HTR4: variants seen among roughly 807,000 people sequenced by gnomAD.
HTR4 encodes the protein 5-hydroxytryptamine (serotonin) receptor 4, G protein-coupled.
Under a neutral mutation model 36.8 loss-of-function variants are expected in HTR4, and 16 were observed. That is an observed-to-expected ratio of 0.43 (90% CI 0.29 to 0.66). HTR4 has a LOEUF of 0.66. Ranked by LOEUF, HTR4 falls within the 30% of genes least tolerant of loss-of-function variation. The pLI is 0.13. For missense variants in HTR4, 438 were observed against 490.9 expected (o/e 0.89, Z 1.02); for synonymous variants, 189 against 185.1 (o/e 1.02, Z -0.17).
At chr5:148,544,428 T>G (rs1759282506) in intron 4 of HTR4, among the ~76,000 whole-genome samples, 1 of 152,126 alleles carries the variant, frequency 6.6e-6, no homozygotes. Flanking sequence ...AGTCTGCCAG[T>G]TGCTTTTTTT....
At chr5:148,489,811 C>T (rs564662163) in intron 6 of HTR4, among the ~76,000 whole-genome samples, 2 of 151,962 alleles carry the variant, frequency 1.3e-5, no homozygotes, top group Non-Finnish European at 1.5e-5. Context: ...TTTCATATAC[C>T]CTTCCCTCTC....
chr5:148,466,262 A>T (rs555756272), intron 5 of HTR4, among the ~76,000 whole-genome samples: 33 of 152,278 alleles, frequency 2.2e-4, no homozygotes, highest in African/African-American at 7.2e-4. Flanking sequence ...AATCTCCATG[A>T]TATGTCTATG....
At chr5:148,637,674 C>A (rs1243140542) in intron 1 of HTR4, among the ~76,000 whole-genome samples, 1 of 152,174 alleles carries the variant, frequency 6.6e-6, no homozygotes, top group Non-Finnish European at 1.5e-5. Context: ...GGAGAGTTAA[C>A]TTCAAATTAC....
At chr5:148,528,199 T>A (rs1170040665) in intron 4 of HTR4, among the ~76,000 whole-genome samples, 2 of 152,332 alleles carry the variant, frequency 1.3e-5, no homozygotes, top group East Asian at 3.9e-4. Context: ...CAGGTAAGGA[T>A]ATGAATAAGA....
At chr5:148,515,974 T>C (rs537993211) in intron 5 of HTR4, among the ~76,000 whole-genome samples, 41 of 145,014 alleles carry the variant, frequency 2.8e-4, no homozygotes, top group Non-Finnish European at 5.0e-4. Flanking sequence ...TTGTATTATA[T>C]ATATATGTAA....
Position 148,502,508 on chromosome 5 carries a change from G to A in HTR4, c.1076+6948C>T, listed in dbSNP as rs1306691985. The stretch of plus-strand genomic sequence containing the variant: ...CAAAACCCCATCTGTACGTCACTAT[G>A]ATCAAAGACAAAGGTAGATAAAACC... On this transcript the variant is annotated intron_variant, in intron 6 of 6. Transcript: ENST00000377888. Among the ~76,000 whole-genome samples, 3 of 151,966 alleles carry A rather than the reference G, an allele frequency of 2.0e-5. No homozygotes were observed. In the East Asian group the frequency reaches 5.8e-4, roughly 29 times the overall value.
At chr5:148,469,881 G>A (rs1447651907) in intron 5 of HTR4, among the ~76,000 whole-genome samples, 1 of 152,200 alleles carries the variant, frequency 6.6e-6, no homozygotes, top group Admixed American at 6.5e-5. Flanking sequence ...AATCTCTGGC[G>A]CTAGTCCACA....
intron 6 of HTR4, chr5:148,490,820 G>A (rs1406941346): frequency 1.4e-6 from 1 of 712,308 alleles, no homozygotes. Context: ...TGCAGAAGAA[G>A]TCGAATTCCT....
At position 148,505,235 on chromosome 5, in the gene HTR4, C is replaced by T. The variant is rs555996348; in HGVS notation, c.1076+4221G>A. On this transcript the variant is annotated intron_variant, in intron 6 of 6. Transcript: ENST00000377888. ...GGTTCAACATATGCAAATCAATAAA[C>T]GTAATCCAGCATATAAACAGAACCA... Among the ~76,000 whole-genome samples, 585 of 152,112 alleles carry T rather than the reference C, an allele frequency of 3.8e-3. 3 individuals carry two copies. The highest frequency in any genetic ancestry group is 5.8e-3 in the Non-Finnish European group (393 of 67,960).
At chr5:148,518,276 C>A (rs893483431) in intron 5 of HTR4, among the ~76,000 whole-genome samples, 2 of 151,986 alleles carry the variant, frequency 1.3e-5, no homozygotes, top group Admixed American at 6.6e-5. Flanking sequence ...TTATTGTCTG[C>A]CTCTCTTTGT....
intron 4 of HTR4, among the ~76,000 whole-genome samples, chr5:148,534,445 G>A (rs889110832): frequency 6.6e-6 from 1 of 152,166 alleles, no homozygotes; most frequent in Non-Finnish European, 1.5e-5. Flanking sequence ...CACCAGGCAG[G>A]TCCTCCAGGC....
intron 1 of HTR4, among the ~76,000 whole-genome samples, chr5:148,647,710 G>T (rs770927516): frequency 1.3e-5 from 2 of 152,170 alleles, no homozygotes; most frequent in East Asian, 1.9e-4. Flanking sequence ...TTAGCTGGGC[G>T]TGGTGTTGCA....
At chr5:148,636,484 G>T (rs1046557293) in intron 2 of HTR4, among the ~76,000 whole-genome samples, 1 of 152,160 alleles carries the variant, frequency 6.6e-6, no homozygotes, top group South Asian at 2.1e-4. Context: ...CATCTCCAAG[G>T]CTTGCAGAAA....
intron 5 of HTR4, among the ~76,000 whole-genome samples, chr5:148,461,647 T>C (rs1755280561): frequency 6.6e-6 from 1 of 151,894 alleles, no homozygotes; most frequent in Admixed American, 6.6e-5. Context: ...CAAGGAGAAA[T>C]AGATAAATTC....
chr5:148,517,641 A>C (rs1003722612), intron 5 of HTR4, among the ~76,000 whole-genome samples: 2 of 42,078 alleles, frequency 4.8e-5, no homozygotes, highest in African/African-American at 3.6e-4. Flanking sequence ...TTTTCAAAAA[A>C]AAAAAAAAAT....
At chr5:148,479,876 T>C (rs919783410), downstream of HTR4, among the ~76,000 whole-genome samples, 7 of 152,192 alleles carry the variant, frequency 4.6e-5, no homozygotes, top group Non-Finnish European at 8.8e-5. Flanking sequence ...TAATTCTACT[T>C]TATTAAAAAT....
intron 2 of HTR4, among the ~76,000 whole-genome samples, chr5:148,559,601 T>C (rs1201858842): frequency 6.6e-6 from 1 of 152,132 alleles, no homozygotes; most frequent in African/African-American, 2.4e-5. Flanking sequence ...AACATACAAA[T>C]GGACAATGGC....
downstream of HTR4, among the ~76,000 whole-genome samples, chr5:148,477,607 T>C (rs1321924793): frequency 6.6e-6 from 1 of 152,232 alleles, no homozygotes; most frequent in African/African-American, 2.4e-5. Flanking sequence ...TTCTGATCCC[T>C]GTGATAGGAA....
intron 2 of HTR4, among the ~76,000 whole-genome samples, chr5:148,576,109 T>TAAAAAAAAA (rs1760890678): frequency 1.6e-4 from 2 of 12,270 alleles, no homozygotes; most frequent in Non-Finnish European, 2.5e-4. Flanking sequence ...AGACTCCGTC[T>TAAAAAAAAA]CAAAAAAAAA....
Sources: allele counts gnomAD v4.1 joint callset (sites outside exome capture counted in the v4.1 genomes callset), GRCh38; gene constraint gnomAD v4.1.1; transcripts MANE v1.5; gene names NCBI Gene and HGNC (gene_info 2026-07-23, HGNC 2026-07-21).